Variants in DPP6 observed in about 807,000 individuals in gnomAD.
The protein encoded by DPP6 is dipeptidyl peptidase like 6, also known as A-type potassium channel modulatory protein DPP6.
Under a neutral mutation model 122.6 loss-of-function variants are expected in DPP6, and 69 were observed. That is an observed-to-expected ratio of 0.56 (90% CI 0.46 to 0.69). The LOEUF (loss-of-function observed/expected upper bound fraction) is 0.69, where lower values mean the gene tolerates loss of function less well. Ranked by LOEUF, DPP6 falls within the 30% of genes least tolerant of loss-of-function variation. The pLI, the probability that DPP6 is intolerant of heterozygous loss-of-function variation, is 0.00. For missense variants in DPP6, 928 were observed against 1,116.9 expected (o/e 0.83, Z 2.41); for synonymous variants, 418 against 433.1 (o/e 0.97, Z 0.43).
At chr7:154,750,836 C>T (rs1002931622) in intron 8 of DPP6, among the ~76,000 whole-genome samples, 5 of 152,052 alleles carry the variant, frequency 3.3e-5, no homozygotes, top group Non-Finnish European at 7.4e-5. Context: ...CGAGGATGGC[C>T]CAGGTTCAAG....
In DPP6 at chr7:154,875,858, G is replaced by T; in HGVS notation, c.1884-48G>T. ...TGACGTGGCAGCTGCTAGACCAGCCGCCACCCACCACGCAGCAGGCCTGCT... is the reference window on the plus strand; with the variant it reads ...TGACGTGGCAGCTGCTAGACCAGCCTCCACCCACCACGCAGCAGGCCTGCT... On this transcript the variant is annotated intron_variant, in intron 19 of 25. Coordinates refer to ENST00000377770, the MANE Select transcript of DPP6 (RefSeq NM_130797.4). This position sits in a 1 kb window ranked among gnomAD's most constrained non-coding sequence, Gnocchi z 4.5. 6.4e-7 allele frequency: 1 copy of T among 1,567,628 alleles called. No homozygotes were observed. Among genetic ancestry groups the T allele is most frequent in the South Asian group, 1.2e-5 (1 of 85,918 alleles).
chr7:154,030,809 T>G (rs1280279039), intron 1 of DPP6, among the ~76,000 whole-genome samples: 1 of 152,174 alleles, frequency 6.6e-6, no homozygotes, highest in Admixed American at 6.5e-5. Context: ...CAGCCTGATC[T>G]GCTGCCAACA....
chr7:154,329,503 A>G (rs1270606787), intron 1 of DPP6, among the ~76,000 whole-genome samples: 2 of 152,270 alleles, frequency 1.3e-5, no homozygotes, highest in African/African-American at 4.8e-5. Context: ...CACGCCAGTT[A>G]GAATGGCGAT....
In DPP6 at chr7:153,915,946, TA is replaced by T. The variant is rs1456735123; in HGVS notation, c.51+28213del. Among the ~76,000 whole-genome samples, 5 of 4,842 alleles carry T rather than the reference TA, an allele frequency of 1.0e-3. No individual in the cohort carries two copies. In the East Asian group the frequency reaches 0.2, roughly 194 times the overall value. The allele number at this position is 4,842 out of a possible 152,430, so 3.2% of individuals were successfully genotyped here. ...TAAGATAAATAGCTCCTCTGATTTT[TA>T]TTTATTTATTTATTTATTTATTTAT... On this transcript the variant is annotated intron_variant, in intron 1 of 25. Transcript: ENST00000404039.
At chr7:154,398,161 C>T (rs896864579) in intron 1 of DPP6, among the ~76,000 whole-genome samples, 1 of 152,142 alleles carries the variant, frequency 6.6e-6, no homozygotes, top group Non-Finnish European at 1.5e-5. Context: ...GTATATTGAG[C>T]ATCTGTGAGG....
intron 1 of DPP6, among the ~76,000 whole-genome samples, chr7:154,280,784 A>G (rs1426596755): frequency 3.9e-5 from 6 of 152,046 alleles, no homozygotes; most frequent in Admixed American, 2.0e-4. Context: ...TTAATAGATC[A>G]CTCACTTTGT....
intron 7 of DPP6, among the ~76,000 whole-genome samples, chr7:154,674,147 A>G (rs1339008224): frequency 6.6e-6 from 1 of 152,106 alleles, no homozygotes; most frequent in Admixed American, 6.5e-5. Flanking sequence ...AAGTGCTGGG[A>G]TTATAAGCAT....
chr7:154,423,464 G>A (rs1367519853), intron 1 of DPP6, among the ~76,000 whole-genome samples: 3 of 152,124 alleles, frequency 2.0e-5, no homozygotes, highest in East Asian at 1.9e-4. Context: ...GGCACTTCTG[G>A]TTGGGGGACA....
At chr7:154,774,286 A>C (rs768988784) in intron 10 of DPP6, among the ~76,000 whole-genome samples, 3 of 152,210 alleles carry the variant, frequency 2.0e-5, no homozygotes, top group Non-Finnish European at 2.9e-5. Flanking sequence ...ATTTAAAAAA[A>C]AAAGTTCAGA....
intron 1 of DPP6, among the ~76,000 whole-genome samples, chr7:154,325,456 C>T (rs1808366129): frequency 6.6e-6 from 1 of 152,186 alleles, no homozygotes; most frequent in Non-Finnish European, 1.5e-5. Flanking sequence ...CTGGGACTGA[C>T]TTTAAACCTT....
At chr7:154,158,861 T>A (rs1162215028) in intron 1 of DPP6, among the ~76,000 whole-genome samples, 1 of 152,080 alleles carries the variant, frequency 6.6e-6, no homozygotes, top group Non-Finnish European at 1.5e-5. Context: ...ATAGCTGGGC[T>A]GCTGCTGCTC....
At chr7:154,889,758 A>G (rs963432150) in intron 25 of DPP6, 3 of 678,840 alleles carry the variant, frequency 4.4e-6, no homozygotes, top group African/African-American at 1.8e-5. Context: ...TCCCTTTAGG[A>G]CAACCATCTC....
intron 6 of DPP6, among the ~76,000 whole-genome samples, chr7:154,647,645 C>T (rs1031022294): frequency 4.6e-5 from 7 of 152,230 alleles, no homozygotes; most frequent in East Asian, 1.9e-4. Context: ...ACCTTAACCG[C>T]GCATGTTTGC....
the DPP6 span, among the ~76,000 whole-genome samples, chr7:153,761,410 A>G: frequency 6.6e-6 from 1 of 152,264 alleles, no homozygotes; most frequent in African/African-American, 2.4e-5. Context: ...CATACTCTGC[A>G]TATCTGACAT....
chr7:154,510,611 A>T (rs764899768), intron 3 of DPP6, among the ~76,000 whole-genome samples: 12 of 151,970 alleles, frequency 7.9e-5, no homozygotes, highest in Non-Finnish European at 8.8e-5. Flanking sequence ...AAGCAGGAGA[A>T]TCGCTTGAAC....
intron 1 of DPP6, among the ~76,000 whole-genome samples, chr7:154,327,058 T>C (rs1808506869): frequency 6.6e-6 from 1 of 152,050 alleles, no homozygotes; most frequent in Non-Finnish European, 1.5e-5. Context: ...TAGGTGTCTT[T>C]GGTTCAGTCC....
intron 1 of DPP6, among the ~76,000 whole-genome samples, chr7:154,400,379 G>C (rs1815467307): frequency 6.6e-6 from 1 of 152,200 alleles, no homozygotes; most frequent in South Asian, 2.1e-4. Flanking sequence ...ACTTATGAGG[G>C]ACAATGAAAG....
At chr7:154,507,276 A>T (rs1040242927) in intron 3 of DPP6, among the ~76,000 whole-genome samples, 4 of 149,740 alleles carry the variant, frequency 2.7e-5, no homozygotes, top group African/African-American at 7.4e-5. Flanking sequence ...AGAAACCATA[A>T]TTTTTTTTTT....
chr7:154,086,567 C>T (rs2150539573), intron 1 of DPP6, among the ~76,000 whole-genome samples: 1 of 150,902 alleles, frequency 6.6e-6, no homozygotes, highest in African/African-American at 2.4e-5. Context: ...GGACCAGTTG[C>T]TAGGCACAGT....
Sources: allele counts gnomAD v4.1 joint callset (sites outside exome capture counted in the v4.1 genomes callset), GRCh38; gene constraint gnomAD v4.1.1; non-coding constraint Gnocchi (gnomAD v3.1); transcripts MANE v1.5; gene names NCBI Gene and HGNC (gene_info 2026-07-23, HGNC 2026-07-21).